Variants in PTPRN2 observed in about 807,000 individuals in gnomAD.
The protein encoded by PTPRN2 is receptor-type tyrosine-protein phosphatase N2.
In PTPRN2, 74 loss-of-function variants were observed where a neutral mutation model predicts 118.8. That is an observed-to-expected ratio of 0.62 (90% CI 0.52 to 0.76). PTPRN2 has a LOEUF of 0.76. Ranked by LOEUF, PTPRN2 falls within the 30% of genes least tolerant of loss-of-function variation. The pLI is 0.00. For synonymous variants in PTPRN2, 641 were observed against 608.0 expected (o/e 1.05, Z -0.80); for missense variants, 1,481 against 1,394.4 (o/e 1.06, Z -0.99).
chr7:157,974,134 T>A lies in PTPRN2; in HGVS notation c.1724-75397A>T, dbSNP rs571791305. Among the ~76,000 whole-genome samples, 1 of 152,194 alleles carries A rather than the reference T, an allele frequency of 6.6e-6. No individual in the cohort carries two copies. The highest frequency in any genetic ancestry group is 2.4e-5 in the African/African-American group (1 of 41,460). On this transcript the variant is annotated intron_variant, in intron 11 of 22. Transcript: ENST00000389418. The surrounding 1 kb of genome is among the most constrained non-coding windows in gnomAD (Gnocchi z 4.0). The stretch of plus-strand genomic sequence containing the variant: ...GACGGTGGGTTGGCGGTGTTGACGC[T>A]GCACAGGTCATGAGCGCCGGCCCTG...
chr7:157,762,518 C>G lies in PTPRN2; in HGVS notation c.1789-79581G>C, dbSNP rs189888831. 7.4e-3 allele frequency among the ~76,000 whole-genome samples: 1,092 copies of G among 146,644 alleles called. 13 individuals are homozygous for G. Among genetic ancestry groups the G allele is most frequent in the African/African-American group, 0.027 (1,047 of 39,474 alleles). On this transcript the variant is annotated intron_variant, in intron 12 of 22. Transcript: ENST00000389418. Reference sequence around the variant, plus strand: ...AACAAAAAACCGAACACCGCATATTCTCACTCATAGGTGGGAATTGAACAA... The same window carrying G: ...AACAAAAAACCGAACACCGCATATTGTCACTCATAGGTGGGAATTGAACAA...
chr7:158,520,813 C>T lies in PTPRN2; in HGVS notation c.113-31028G>A, dbSNP rs187746193. On this transcript the variant is annotated intron_variant, in intron 1 of 22. Coordinates refer to ENST00000389418, the MANE Select transcript of PTPRN2 (RefSeq NM_002847.5). ...CCATGCCCAGCCAGGTCACAGTGAG[C>T]ACGTCCTGGTTTCCATGTCTGAGCA... is the stretch of plus-strand genomic sequence containing the variant. 4.2e-4 allele frequency among the ~76,000 whole-genome samples: 64 copies of T among 152,326 alleles called. 1 individual carries two copies. In the East Asian group the frequency reaches 9.6e-3, roughly 23 times the overall value.
chr7:158,453,314 A>T (rs1249540698), intron 2 of PTPRN2, among the ~76,000 whole-genome samples: 1 of 48,524 alleles, frequency 2.1e-5, no homozygotes, highest in African/African-American at 6.5e-5. Flanking sequence ...GAAAGAGGAC[A>T]GTCCTCACCG....
At chr7:158,176,706 A>T (rs1824240455) in intron 5 of PTPRN2, among the ~76,000 whole-genome samples, 1 of 152,214 alleles carries the variant, frequency 6.6e-6, no homozygotes, top group Non-Finnish European at 1.5e-5. Flanking sequence ...CTCAGATGCT[A>T]CTGTGTATGC....
At chr7:157,805,670 G>A (rs1805588932) in intron 12 of PTPRN2, among the ~76,000 whole-genome samples, 1 of 152,106 alleles carries the variant, frequency 6.6e-6, no homozygotes, top group South Asian at 2.1e-4. Flanking sequence ...GGCAGGCCTT[G>A]GTCAATATTT....
intron 2 of PTPRN2, among the ~76,000 whole-genome samples, chr7:158,327,458 C>G (rs2151136093): frequency 6.9e-6 from 1 of 145,516 alleles, no homozygotes; most frequent in Middle Eastern, 3.6e-3. Context: ...CACCTGCTCA[C>G]ACATGTACAC....
intron 2 of PTPRN2, among the ~76,000 whole-genome samples, chr7:158,367,390 T>C (rs1436748730): frequency 1.3e-5 from 2 of 152,204 alleles, no homozygotes; most frequent in Non-Finnish European, 2.9e-5. Flanking sequence ...TTCCCTCACC[T>C]GAGCTCTGTG....
intron 12 of PTPRN2, among the ~76,000 whole-genome samples, chr7:157,776,040 C>A (rs982920569): frequency 6.6e-6 from 1 of 151,710 alleles, no homozygotes. Flanking sequence ...GCGGAGGGGG[C>A]GTCACCTCCT....
intron 14 of PTPRN2, among the ~76,000 whole-genome samples, chr7:157,645,880 G>C (rs1458851022): frequency 2.0e-5 from 3 of 152,206 alleles, no homozygotes; most frequent in Non-Finnish European, 4.4e-5. Context: ...CTTGCTTGCT[G>C]GGACACAGTC....
intron 12 of PTPRN2, among the ~76,000 whole-genome samples, chr7:157,752,959 T>A (rs1195136094): frequency 1.3e-5 from 2 of 152,202 alleles, no homozygotes; most frequent in Non-Finnish European, 2.9e-5. Context: ...AGACAGTCAG[T>A]GACCAGATGG....
chr7:157,966,870 T>C (rs1047751925), intron 11 of PTPRN2, among the ~76,000 whole-genome samples: 1 of 152,132 alleles, frequency 6.6e-6, no homozygotes, highest in African/African-American at 2.4e-5. Flanking sequence ...ATCAGCACCA[T>C]CACTGTCATC....
intron 12 of PTPRN2, among the ~76,000 whole-genome samples, chr7:157,851,900 G>A (rs1026645645): frequency 1.3e-5 from 2 of 152,168 alleles, no homozygotes; most frequent in East Asian, 3.9e-4. Context: ...AGCCTCTTCC[G>A]GGCCCAGCTC....
At chr7:157,579,201 G>T (rs1800218061) in intron 17 of PTPRN2, among the ~76,000 whole-genome samples, 1 of 152,026 alleles carries the variant, frequency 6.6e-6, no homozygotes, top group Non-Finnish European at 1.5e-5. Flanking sequence ...TGTTCTCACG[G>T]GGCTGAAATA....
chr7:158,038,783 T>C (rs1383457844), intron 11 of PTPRN2, among the ~76,000 whole-genome samples: 3 of 149,778 alleles, frequency 2.0e-5, no homozygotes, highest in African/African-American at 4.9e-5. Flanking sequence ...ACATAATATG[T>C]AAAATATGTA....
chr7:158,253,896 C>CGCCCA (rs1796855877), intron 3 of PTPRN2, among the ~76,000 whole-genome samples: 1 of 136,450 alleles, frequency 7.3e-6, no homozygotes, highest in African/African-American at 2.8e-5. Flanking sequence ...GAGCCACTGC[C>CGCCCA]CACGGCACGA....
chr7:158,139,665 G>A (rs1286751416), intron 6 of PTPRN2, among the ~76,000 whole-genome samples: 2 of 151,880 alleles, frequency 1.3e-5, no homozygotes, highest in East Asian at 3.9e-4. Flanking sequence ...AGATGGAGAA[G>A]ATTCCTGGAA....
chr7:157,595,446 C>T lies in PTPRN2; in HGVS notation c.2419-131G>A, dbSNP rs182589378. 1.7e-4 allele frequency: 126 copies of T among 762,450 alleles called. 1 individual carries two copies. Among genetic ancestry groups the T allele is most frequent in the African/African-American group, 1.0e-3 (57 of 55,160 alleles). 47.2% of individuals were successfully genotyped at this position (762,450 alleles called of 1,614,324 possible). ...TAGGAAGCCAGGACGTTAAGAAACCCGGAGGTTAGGAAACCTGGGGGTTAG... is the reference window on the plus strand; with the variant it reads ...TAGGAAGCCAGGACGTTAAGAAACCTGGAGGTTAGGAAACCTGGGGGTTAG... On this transcript the variant is annotated intron_variant, in intron 16 of 22. Transcript: ENST00000389418.
chr7:158,291,307 A>G (rs939544930), intron 3 of PTPRN2, among the ~76,000 whole-genome samples: 3 of 152,138 alleles, frequency 2.0e-5, no homozygotes, highest in Non-Finnish European at 4.4e-5. Flanking sequence ...GATTTTTCTG[A>G]TACTATCCAC....
intron 17 of PTPRN2, 111 bp downstream of exon 17, chr7:157,595,127 T>G: frequency 1.8e-5 from 17 of 943,962 alleles, no homozygotes; most frequent in Middle Eastern, 2.1e-4. Context: ...TAACATTTGA[T>G]GAGCATTTGT....
Sources: gnomAD v4.1 joint callset for allele counts (sites outside exome capture counted in the v4.1 genomes callset) on GRCh38, gnomAD v4.1.1 for gene constraint, Gnocchi (gnomAD v3.1) non-coding constraint, MANE v1.5 for transcripts, NCBI Gene and HGNC (gene_info 2026-07-23, HGNC 2026-07-21) for gene names.